SRRM4: variants seen among roughly 807,000 people sequenced by gnomAD.
SRRM4 encodes the protein serine/arginine repetitive matrix protein 4.
In SRRM4, 33 loss-of-function variants were observed where a neutral mutation model predicts 68.9. The observed-to-expected ratio is 0.48, with a 90% confidence interval of 0.36 to 0.64. The LOEUF (loss-of-function observed/expected upper bound fraction) is 0.64, where lower values mean the gene tolerates loss of function less well. Ranked by LOEUF, SRRM4 falls within the 30% of genes least tolerant of loss-of-function variation. SRRM4 has a pLI of 0.00. For missense variants in SRRM4, 817 were observed against 827.1 expected (o/e 0.99, Z 0.15); for synonymous variants, 318 against 318.8 (o/e 1.00, Z 0.03).
chr12:119,075,880 A>G (rs1388822638), intron 1 of SRRM4, among the ~76,000 whole-genome samples: 20 of 105,884 alleles, frequency 1.9e-4, no homozygotes, highest in East Asian at 6.7e-4. Context: ...TGATGATGGT[A>G]GTAGTGATGA....
intron 1 of SRRM4, among the ~76,000 whole-genome samples, chr12:119,084,964 G>A (rs1346156212): frequency 6.6e-6 from 1 of 152,166 alleles, no homozygotes; most frequent in Non-Finnish European, 1.5e-5. Flanking sequence ...GCAGTGGTGC[G>A]ATCTTGGCTC....
chr12:119,122,242 G>GA, intron 6 of SRRM4, 122 bp downstream of exon 6: 1 of 568,644 alleles, frequency 1.8e-6, no homozygotes, highest in South Asian at 2.8e-5. Context: ...GTGAGCGGGT[G>GA]AAAGGAAGGC....
At position 119,114,320 on chromosome 12, in the gene SRRM4, G is replaced by A. The variant is rs562335631; in HGVS notation, c.321G>A (p.Arg107=). Residue 107 remains arginine, a synonymous_variant, in exon 3 of 13, where the codon AGG becomes AGA. Transcript: ENST00000267260. ...ACTTGACACCACCACCTTCCTCCAG[G>A]GGAAAGAAGAAAAAGAAGAAATCCA... ...DKDLTPPPSS[R]GKKKKKKSTR... The A allele has an allele frequency of 6.2e-7, 1 of 1,612,076 alleles. No homozygotes were observed. Among genetic ancestry groups the A allele is most frequent in the East Asian group, 2.2e-5 (1 of 44,854 alleles).
At chr12:119,081,121 C>A (rs1953945220) in intron 1 of SRRM4, among the ~76,000 whole-genome samples, 1 of 152,070 alleles carries the variant, frequency 6.6e-6, no homozygotes, top group South Asian at 2.1e-4. Context: ...TGAAACAGAC[C>A]AAAAACCTCT....
intron 1 of SRRM4, among the ~76,000 whole-genome samples, chr12:119,068,399 G>A (rs971363102): frequency 2.0e-5 from 3 of 152,178 alleles, no homozygotes; most frequent in African/African-American, 7.2e-5. Context: ...AGGGAGCCAA[G>A]GCAGTCTTCG....
intron 1 of SRRM4, among the ~76,000 whole-genome samples, chr12:119,023,967 G>A (rs1405019532): frequency 6.6e-6 from 1 of 152,140 alleles, no homozygotes; most frequent in African/African-American, 2.4e-5. Context: ...TCTTCTTGCA[G>A]ATGAGACCCT....
chr12:119,082,028 C>G (rs1335369076), intron 1 of SRRM4, among the ~76,000 whole-genome samples: 1 of 152,220 alleles, frequency 6.6e-6, no homozygotes, highest in Non-Finnish European at 1.5e-5. Context: ...CATGACGGAT[C>G]AGCACGCCAC....
intron 2 of SRRM4, among the ~76,000 whole-genome samples, chr12:119,111,511 A>G (rs1441049224): frequency 1.3e-5 from 2 of 152,210 alleles, no homozygotes; most frequent in Admixed American, 1.3e-4. Flanking sequence ...TAGCTGACTG[A>G]AACAATAGGC....
intron 1 of SRRM4, among the ~76,000 whole-genome samples, chr12:119,057,844 C>T (rs1260506931): frequency 3.3e-5 from 5 of 152,266 alleles, no homozygotes; most frequent in Non-Finnish European, 1.5e-5. Context: ...TCTCTGCAAC[C>T]GTGTCAACAT....
Position 119,162,784 on chromosome 12 carries a change from T to G in SRRM4, c.*5986T>G, listed in dbSNP as rs1954522970. On this transcript the variant is annotated 3_prime_UTR_variant, in exon 13 of 13. Transcript: ENST00000267260. The stretch of plus-strand genomic sequence containing the variant: ...TGCATTGGAGGCTGCGAATCTCCTC[T>G]GGAAAATTCCCAACCCGAGGACCCA... The G allele has an allele frequency of 1.3e-5, 2 of 152,250 alleles. No homozygotes were observed. The highest frequency in any genetic ancestry group is 4.8e-5 in the African/African-American group (2 of 41,444). The allele number at this position is 152,250 out of a possible 1,614,324, so 9.4% of individuals were successfully genotyped here.
At chr12:119,080,815 C>A (rs1361868934) in intron 1 of SRRM4, among the ~76,000 whole-genome samples, 2 of 152,150 alleles carry the variant, frequency 1.3e-5, no homozygotes, top group Non-Finnish European at 2.9e-5. Flanking sequence ...TCTACTCATT[C>A]GTTAGTCTTC....
rs149740789 is a variant in SRRM4 at position 119,105,269 on chromosome 12, G to A, written c.278+2887G>A. On this transcript the variant is annotated intron_variant, in intron 2 of 12. Transcript: ENST00000267260. ...AGTCTTTGCTATTGTGAATAGTGCCGCAATAAACATACACGTGCATGTGTC... is the reference window on the plus strand; with the variant it reads ...AGTCTTTGCTATTGTGAATAGTGCCACAATAAACATACACGTGCATGTGTC... Among the ~76,000 whole-genome samples the A allele has an allele frequency of 2.7e-3, 411 of 152,018 alleles. 5 individuals are homozygous for A. The East Asian group carries it at 0.031, about 11-fold the overall frequency.
rs1274720443 is a variant in SRRM4, at chr12:119,156,936, G to A, written c.*138G>A. ...TTCCTGCTTGCCTAGGGGAAGAGGA[G>A]AAGAGGGTAAGGGGGCTTCACTCTC... is the stretch of plus-strand genomic sequence containing the variant. On this transcript the variant is annotated 3_prime_UTR_variant, in exon 13 of 13. Coordinates refer to ENST00000267260, the MANE Select transcript of SRRM4 (RefSeq NM_194286.4). 4.4e-5 allele frequency: 50 copies of A among 1,133,346 alleles called. No individual in the cohort carries two copies. The highest frequency in any genetic ancestry group is 6.1e-5 in the Non-Finnish European group (50 of 824,806). 70.2% of individuals were successfully genotyped at this position (1,133,346 alleles called of 1,614,324 possible).
At chr12:119,012,225 G>T (rs1046318571) in intron 1 of SRRM4, among the ~76,000 whole-genome samples, 2 of 152,192 alleles carry the variant, frequency 1.3e-5, no homozygotes, top group Admixed American at 6.5e-5. Flanking sequence ...TGCAGCAAGG[G>T]TTTATAATTT....
intron 1 of SRRM4, among the ~76,000 whole-genome samples, chr12:119,030,033 G>A (rs1342078331): frequency 1.3e-5 from 2 of 152,198 alleles, no homozygotes; most frequent in East Asian, 3.9e-4. Flanking sequence ...GCTGGGGAAC[G>A]TTTCAGCTTT....
At chr12:119,061,129 A>G (rs1953809145) in intron 1 of SRRM4, among the ~76,000 whole-genome samples, 1 of 152,198 alleles carries the variant, frequency 6.6e-6, no homozygotes, top group Non-Finnish European at 1.5e-5. Context: ...GCAGCAGAAA[A>G]GTCCTTGAAG....
chr12:119,147,495 C>T (rs1391011517), intron 9 of SRRM4, among the ~76,000 whole-genome samples: 1 of 152,104 alleles, frequency 6.6e-6, no homozygotes, highest in Non-Finnish European at 1.5e-5. Flanking sequence ...GGAGGTTCAT[C>T]GATTGTAGCA....
At chr12:119,092,969 TC>T (rs1954022878) in intron 1 of SRRM4, among the ~76,000 whole-genome samples, 1 of 152,194 alleles carries the variant, frequency 6.6e-6, no homozygotes, top group African/African-American at 2.4e-5. Flanking sequence ...TTCCATATGT[TC>T]CTGCCTCAGG....
intron 1 of SRRM4, among the ~76,000 whole-genome samples, chr12:119,037,635 C>T (rs935150281): frequency 3.3e-5 from 5 of 152,154 alleles, no homozygotes; most frequent in Admixed American, 3.3e-4. Flanking sequence ...GTCTATTAGG[C>T]CTCCCAGACT....
Sources: gnomAD v4.1 joint callset for allele counts (sites outside exome capture counted in the v4.1 genomes callset) on GRCh38, gnomAD v4.1.1 for gene constraint, MANE v1.5 for transcripts, NCBI Gene and HGNC (gene_info 2026-07-23, HGNC 2026-07-21) for gene names.